The following PRRT1B variants were observed in gnomAD, a reference collection of about 807,000 sequenced individuals.
PRRT1B encodes dispanin subfamily D member 2.
rs182424227 is a variant in PRRT1B, at chr9:131,554,869, A to G, written c.338A>G (p.Lys113Arg). ...CCGCCCTACGCGCCGCCGGACCCCA[A>G]GGCCGCGCCGCTGCTGTACCCGCCC... Residue 113 changes from lysine to arginine, a missense_variant, in exon 2 of 4, where the codon AAG (lysine) becomes AGG (arginine). Physicochemically the swap from Lys to Arg is conservative, Grantham distance 26. Coordinates refer to ENST00000636672, the Ensembl canonical transcript of PRRT1B. 5.7e-3 allele frequency: 2,149 copies of G among 378,550 alleles called. 65 individuals carry two copies. The East Asian group carries it at 0.058, about 10-fold the overall frequency. 23.4% of individuals were successfully genotyped at this position (378,550 alleles called of 1,614,324 possible). A position where few individuals can be genotyped will look rare whatever the true frequency, so the allele number is the denominator to read the frequency against.
In PRRT1B at chr9:131,556,687, A is replaced by G. The variant is rs576705057; in HGVS notation, c.642+474A>G. Among the ~76,000 whole-genome samples, 120 of 150,902 alleles carry G rather than the reference A, an allele frequency of 8.0e-4. 1 individual carries two copies. In the South Asian group the frequency reaches 0.024, roughly 30 times the overall value. ...TTGCTCTGTTGCCAGGCTGGAGTGC[A>G]ATGGCGTGATCTCGGCTCACTGCAA... On this transcript the variant is annotated intron_variant, in intron 3 of 3. Transcript: ENST00000636672.
exon 2 of PRRT1B, chr9:131,555,014 C>G (rs1951039328): frequency 5.1e-6 from 2 of 393,050 alleles, no homozygotes; most frequent in Non-Finnish European, 9.0e-6. Flanking sequence ...CCGGGGCCGC[C>G]TTCCCCTTCC....
rs184070120 is a variant in PRRT1B at position 131,558,104 on chromosome 9, C to A, written c.694C>A (p.Arg232=). 67 of 400,744 alleles carry A rather than the reference C, an allele frequency of 1.7e-4. No homozygotes were observed. In the East Asian group the frequency reaches 2.3e-3, roughly 14 times the overall value. 24.8% of individuals were successfully genotyped at this position (400,744 alleles called of 1,614,324 possible). A position where few individuals can be genotyped will look rare whatever the true frequency, so the allele number is the denominator to read the frequency against. Residue 232 remains arginine (R), a synonymous_variant, in exon 4 of 4, where the codon CGG becomes AGG. Coordinates refer to ENST00000636672, the Ensembl canonical transcript of PRRT1B. The stretch of plus-strand genomic sequence containing the variant: ...CCTGGCCCAGGCTGAGGAGGCCTCG[C>A]GGAAGGCCCGCTCGCTGGTGCTCTT...
At chr9:131,557,958 G>T in intron 3 of PRRT1B, 95 bp from the exon 4 acceptor site, 1 of 397,828 alleles carries the variant, frequency 2.5e-6, no homozygotes, top group Non-Finnish European at 4.4e-6. Context: ...CAGTTTCTCA[G>T]TTTGTGGAAC....
In PRRT1B at chr9:131,547,045, A is replaced by G. The variant is rs140405425; in HGVS notation, c.25+1405A>G. ...GTTACGAAGCAAAAGCTCTCAGAGC[A>G]GAGCCTGGCCTCCTGTTCGCTTTTT... On this transcript the variant is annotated intron_variant, in intron 1 of 3. Coordinates refer to ENST00000636672, the Ensembl canonical transcript of PRRT1B. Among the ~76,000 whole-genome samples, 1,016 of 145,172 alleles carry G rather than the reference A, an allele frequency of 7.0e-3. 21 individuals carry two copies. Among genetic ancestry groups the G allele is most frequent in the African/African-American group, 0.025 (940 of 38,064 alleles).
At chr9:131,547,898 G>C (rs1441083043) in intron 1 of PRRT1B, among the ~76,000 whole-genome samples, 2 of 152,098 alleles carry the variant, frequency 1.3e-5, no homozygotes, top group African/African-American at 4.8e-5. Flanking sequence ...TTTTCTGGTA[G>C]AGACAAAGGA....
chr9:131,546,375 C>T (rs1207334928), intron 1 of PRRT1B, among the ~76,000 whole-genome samples: 1 of 152,162 alleles, frequency 6.6e-6, no homozygotes, highest in African/African-American at 2.4e-5. Context: ...ACCAACTCGA[C>T]GTCGCCCACC....
chr9:131,555,435 G>A (rs1442250981), intron 2 of PRRT1B, among the ~76,000 whole-genome samples: 2 of 152,130 alleles, frequency 1.3e-5, no homozygotes, highest in African/African-American at 4.8e-5. Flanking sequence ...CAGCACTTTG[G>A]GAGGCCAAGA....
intron 1 of PRRT1B, among the ~76,000 whole-genome samples, chr9:131,552,298 G>C (rs1168613003): frequency 6.6e-6 from 1 of 152,158 alleles, no homozygotes; most frequent in Non-Finnish European, 1.5e-5. Flanking sequence ...GGCCAAGTGT[G>C]TTTACCTTGA....
chr9:131,550,859 A>G (rs1241285205), intron 1 of PRRT1B, among the ~76,000 whole-genome samples: 1 of 148,112 alleles, frequency 6.8e-6, no homozygotes, highest in Non-Finnish European at 1.5e-5. Context: ...CCCAATTCTT[A>G]GTCATTTAAT....
chr9:131,550,324 T>G (rs1471737561), intron 1 of PRRT1B, among the ~76,000 whole-genome samples: 1 of 152,158 alleles, frequency 6.6e-6, no homozygotes, highest in East Asian at 1.9e-4. Context: ...ATCTCAAACA[T>G]GCTTTCTTTA....
intron 1 of PRRT1B, among the ~76,000 whole-genome samples, chr9:131,548,052 C>T (rs1950987250): frequency 6.6e-6 from 1 of 152,204 alleles, no homozygotes; most frequent in African/African-American, 2.4e-5. Context: ...GTGGGGACGC[C>T]TGCCTTGGTC....
rs1951039617 is a variant in PRRT1B at position 131,555,034 on chromosome 9, G to A, written c.498+5G>A. ...GCCGCCTTCCCCTTCCCCGTGGTGA[G>A]TGGCCGCCGCCCTGGGCGCGCTCCC... is the stretch of plus-strand genomic sequence containing the variant. On this transcript the variant is annotated splice_donor_5th_base_variant and intron_variant, in intron 2 of 3. Transcript: ENST00000636672. The A allele has an allele frequency of 2.6e-6, 1 of 391,034 alleles. No homozygotes were observed. Among genetic ancestry groups the A allele is most frequent in the Admixed American group, 4.5e-5 (1 of 22,370 alleles). 24.2% of individuals were successfully genotyped at this position (391,034 alleles called of 1,614,324 possible). A position where few individuals can be genotyped will look rare whatever the true frequency, so the allele number is the denominator to read the frequency against.
chr9:131,557,396 G>A (rs1032381476), intron 3 of PRRT1B, among the ~76,000 whole-genome samples: 11 of 152,124 alleles, frequency 7.2e-5, no homozygotes, highest in African/African-American at 9.7e-5. Flanking sequence ...AAAATTAGCC[G>A]GGCATGGGGG....
chr9:131,554,482 T>C (rs1951032821), intron 1 of PRRT1B, 75 bp from the exon 2 acceptor site: 1 of 368,572 alleles, frequency 2.7e-6, no homozygotes, highest in African/African-American at 2.1e-5. Flanking sequence ...GCTTGGTTCG[T>C]GGGAACTGCG....
At chr9:131,546,352 G>A (rs1029576393) in intron 1 of PRRT1B, among the ~76,000 whole-genome samples, 2 of 152,144 alleles carry the variant, frequency 1.3e-5, no homozygotes, top group Non-Finnish European at 2.9e-5. Flanking sequence ...GGTGGGATCC[G>A]GCCAAGGCTG....
At chr9:131,552,092 C>T (rs937403767) in intron 1 of PRRT1B, among the ~76,000 whole-genome samples, 1 of 152,208 alleles carries the variant, frequency 6.6e-6, no homozygotes, top group African/African-American at 2.4e-5. Flanking sequence ...CGCATCCAGC[C>T]ATGTTCGCCT....
At chr9:131,554,024 A>G (rs920979934) in intron 1 of PRRT1B, among the ~76,000 whole-genome samples, 2 of 152,118 alleles carry the variant, frequency 1.3e-5, no homozygotes, top group African/African-American at 4.8e-5. Context: ...GTCCATTCTC[A>G]GTGTGCATAT....
chr9:131,558,774 A>G (rs1178176244), downstream of PRRT1B, among the ~76,000 whole-genome samples: 6 of 152,070 alleles, frequency 3.9e-5, no homozygotes, highest in African/African-American at 1.4e-4. Flanking sequence ...ACATCCAGAA[A>G]CCAGGGCCAC....
Sources: gnomAD v4.1 joint callset for allele counts (sites outside exome capture counted in the v4.1 genomes callset) on GRCh38, gnomAD v4.1.1 for gene constraint, MANE v1.5 for transcripts, NCBI Gene and HGNC (gene_info 2026-07-23, HGNC 2026-07-21) for gene names.